USP37: variants seen among roughly 807,000 people sequenced by gnomAD.
USP37 encodes the protein ubiquitin specific peptidase 37, also known as ubiquitin carboxyl-terminal hydrolase 37.
Under a neutral mutation model 124.0 loss-of-function variants are expected in USP37, and 27 were observed. The observed-to-expected ratio is 0.22, with a 90% CI of 0.16 to 0.30. The LOEUF (loss-of-function observed/expected upper bound fraction) is 0.30. Ranked by LOEUF, USP37 falls within the 10% of genes least tolerant of loss-of-function variation. The pLI, the probability that USP37 is intolerant of heterozygous loss-of-function variation, is 1.00. For synonymous variants in USP37, 365 were observed against 388.0 expected (o/e 0.94, Z 0.70); for missense variants, 889 against 1,140.4 (o/e 0.78, Z 3.17).
chr2:218,488,604 A>G (rs1331482839), intron 14 of USP37, among the ~76,000 whole-genome samples, 183 bp from the exon 15 acceptor site: 2 of 152,188 alleles, frequency 1.3e-5, no homozygotes, highest in Non-Finnish European at 2.9e-5. Flanking sequence ...AATACAGATA[A>G]AACCTCAATT....
intron 13 of USP37, among the ~76,000 whole-genome samples, chr2:218,496,719 G>A (rs1441308850): frequency 6.6e-6 from 1 of 152,098 alleles, no homozygotes; most frequent in Admixed American, 6.6e-5. Context: ...CACAATCTCG[G>A]CTCACTGCAA....
intron 10 of USP37, among the ~76,000 whole-genome samples, chr2:218,527,436 A>G (rs545460): frequency 0.46 from 70,549 of 152,002 alleles, 19,531 homozygotes; most frequent in East Asian, 0.78. Context: ...TTAGTTCCCA[A>G]TCTCGTGCTG....
At chr2:218,558,714 G>A (rs934642224) in intron 3 of USP37, 37 bp from the exon 4 acceptor site, 2 of 1,452,216 alleles carry the variant, frequency 1.4e-6, no homozygotes, top group African/African-American at 1.4e-5. Flanking sequence ...TTACCTGGCA[G>A]GTTCTAAGGA....
Position 218,562,683 on chromosome 2 carries a change from C to T in USP37, c.-99G>A. On this transcript the variant is annotated 5_prime_UTR_variant, in exon 2 of 26. Coordinates refer to ENST00000258399, the MANE Select transcript of USP37 (RefSeq NM_020935.3). The stretch of plus-strand genomic sequence containing the variant: ...AAAAACATTACTTACTTTTCAGTGA[C>T]TTTTACCGAAAAACCCTATGTAATA... The T allele has an allele frequency of 5.0e-6, 2 of 398,574 alleles. No individual in the cohort carries two copies. Among genetic ancestry groups the T allele is most frequent in the Admixed American group, 4.4e-5 (1 of 22,736 alleles). 24.7% of individuals were successfully genotyped at this position (398,574 alleles called of 1,614,324 possible).
At chr2:218,464,846 G>A (rs1281271819) in intron 21 of USP37, among the ~76,000 whole-genome samples, 1 of 152,214 alleles carries the variant, frequency 6.6e-6, no homozygotes, top group Non-Finnish European at 1.5e-5. Flanking sequence ...ACTTTGGGAG[G>A]TTGTGGTGGG....
intron 10 of USP37, among the ~76,000 whole-genome samples, chr2:218,529,539 T>C (rs978105691): frequency 2.6e-5 from 4 of 151,698 alleles, no homozygotes; most frequent in African/African-American, 4.8e-5. Flanking sequence ...TCAACACTTA[T>C]AACCCTAGCA....
chr2:218,549,457 TGA>T (rs1692541002), intron 6 of USP37, among the ~76,000 whole-genome samples: 1 of 142,762 alleles, frequency 7.0e-6, no homozygotes, highest in Non-Finnish European at 1.5e-5. Flanking sequence ...TGATAGTCTA[TGA>T]CTATCTTTTT....
At chr2:218,480,039 G>A (rs1401532027) in intron 17 of USP37, among the ~76,000 whole-genome samples, 7 of 151,778 alleles carry the variant, frequency 4.6e-5, no homozygotes, top group Admixed American at 3.9e-4. Flanking sequence ...CCAGCTACTC[G>A]GGAGGCTGAG....
In USP37 at chr2:218,482,148, C is replaced by T. The variant is rs749537440; in HGVS notation, c.1757G>A (p.Arg586Lys). 24 of 1,613,794 alleles carry T rather than the reference C, an allele frequency of 1.5e-5. No individual in the cohort carries two copies. The highest frequency in any genetic ancestry group is 1.9e-5 in the Non-Finnish European group (22 of 1,179,876). ...NKIGQQVIIP[R>K]YLTLSSHCTE... ...GCAATGAGATGACAGGGTCAGGTAT[C>T]TTGGAATGATGACTTGCTGCCCAAT... Residue 586 changes from arginine (R) to lysine (K), a missense_variant, in exon 17 of 26, where the codon AGA (arginine) becomes AAA (lysine). Arg to Lys is a conservative substitution (Grantham distance 26). This residue lies in a region of USP37 where 504 missense variants were observed against 714.3 expected (regional missense o/e 0.71). Coordinates refer to ENST00000258399, the MANE Select transcript of USP37 (RefSeq NM_020935.3).
chr2:218,463,212 ACACACACACACACACACACT>A (rs1369678478), intron 22 of USP37, 74 bp downstream of exon 22: 6 of 590,368 alleles, frequency 1.0e-5, no homozygotes, highest in Non-Finnish European at 1.4e-5. Flanking sequence ...ACACACACAC[ACACACACACACACACACACT>A]TTCTTTATAT....
chr2:218,551,520 C>G, intron 5 of USP37, among the ~76,000 whole-genome samples: 1 of 152,194 alleles, frequency 6.6e-6, no homozygotes, highest in East Asian at 1.9e-4. Flanking sequence ...TTACCTAAAA[C>G]CACACAGAAA....
intron 3 of USP37, among the ~76,000 whole-genome samples, chr2:218,560,046 A>T (rs1693230949): frequency 6.6e-6 from 1 of 152,178 alleles, no homozygotes; most frequent in Admixed American, 6.6e-5. Flanking sequence ...CGGATGTGTA[A>T]AACTCTTCAA....
At chr2:218,475,692 T>C (rs1358817210) in intron 19 of USP37, among the ~76,000 whole-genome samples, 5 of 152,156 alleles carry the variant, frequency 3.3e-5, no homozygotes, top group Admixed American at 1.3e-4. Context: ...ATCACACCAC[T>C]GCACTCCAGC....
chr2:218,527,536 A>G (rs989162937), intron 10 of USP37, among the ~76,000 whole-genome samples: 14 of 152,194 alleles, frequency 9.2e-5, no homozygotes, highest in Admixed American at 4.6e-4. Flanking sequence ...TAGTTTTCTC[A>G]CCAATCTGGA....
chr2:218,562,793 C>G lies in USP37; in HGVS notation c.-209G>C. 2.5e-6 allele frequency: 1 copy of G among 398,540 alleles called. No homozygotes were observed. Among genetic ancestry groups the G allele is most frequent in the East Asian group, 3.6e-5 (1 of 28,072 alleles). The allele number at this position is 398,540 out of a possible 1,614,324, so 24.7% of individuals were successfully genotyped here. On this transcript the variant is annotated 5_prime_UTR_variant, in exon 2 of 26. Transcript: ENST00000258399. ...CTCATATTCTGCAGCTATGCCAGTT[C>G]TCCGGAAGCCATCAACTCAGCTAAA...
At chr2:218,521,172 C>G (rs1336053651) in intron 10 of USP37, among the ~76,000 whole-genome samples, 1 of 152,168 alleles carries the variant, frequency 6.6e-6, no homozygotes, top group Admixed American at 6.6e-5. Context: ...CTGCCATGCT[C>G]CCTGTACAGC....
At chr2:218,552,385 G>T (rs1692715670) in intron 5 of USP37, among the ~76,000 whole-genome samples, 1 of 152,112 alleles carries the variant, frequency 6.6e-6, no homozygotes, top group African/African-American at 2.4e-5. Flanking sequence ...TAATGTGATA[G>T]TAGAGAACTC....
chr2:218,550,433 A>C (rs1415345919), intron 5 of USP37, among the ~76,000 whole-genome samples: 2 of 82,924 alleles, frequency 2.4e-5, no homozygotes, highest in African/African-American at 5.4e-5. Context: ...ACTTTTAAAA[A>C]TATTTTATAA....
Position 218,535,459 on chromosome 2 carries a change from C to G in USP37, c.681-753G>C, listed in dbSNP as rs954904826. On this transcript the variant is annotated intron_variant, in intron 8 of 25. Transcript: ENST00000258399. The stretch of plus-strand genomic sequence containing the variant: ...TGGGCGCGGTGGCTCAAGCCTTAAT[C>G]CTAGCAGCTTGGGAGGGCGAGGCGG... Among the ~76,000 whole-genome samples, 27 of 151,192 alleles carry G rather than the reference C, an allele frequency of 1.8e-4. 1 individual carries two copies. The highest frequency in any genetic ancestry group is 6.1e-4 in the African/African-American group (25 of 41,100).
Sources: allele counts gnomAD v4.1 joint callset (sites outside exome capture counted in the v4.1 genomes callset), GRCh38; gene constraint gnomAD v4.1.1; regional missense constraint gnomAD v4.1.1; transcripts MANE v1.5; gene names NCBI Gene and HGNC (gene_info 2026-07-23, HGNC 2026-07-21).